The following ADAM32 variants were observed in gnomAD, a reference collection of about 807,000 sequenced individuals.
ADAM32 encodes the protein ADAM metallopeptidase domain 32, also known as disintegrin and metalloproteinase domain-containing protein 32.
ADAM32 carries 89 observed loss-of-function variants against 114.9 expected under a neutral mutation model. The observed-to-expected ratio is 0.77, with a 90% CI of 0.65 to 0.92. The LOEUF (loss-of-function observed/expected upper bound fraction) is 0.92. Among genes scored for constraint, ADAM32 ranks in the 40% least tolerant of loss-of-function variants. The pLI is 0.00. For synonymous variants in ADAM32, 285 were observed against 307.5 expected, an observed-to-expected ratio of 0.93 and a Z score of 0.77; for missense variants, 870 against 932.8, an observed-to-expected ratio of 0.93 and a Z score of 0.88.
intron 11 of ADAM32, among the ~76,000 whole-genome samples, chr8:39,209,914 A>G (rs568512059): frequency 6.6e-6 from 1 of 152,370 alleles, no homozygotes; most frequent in East Asian, 1.9e-4. Flanking sequence ...TGCAACTGGC[A>G]GCATACTGGC....
chr8:39,171,389 C>T (rs1041106990), intron 10 of ADAM32, among the ~76,000 whole-genome samples: 1 of 152,146 alleles, frequency 6.6e-6, no homozygotes. Flanking sequence ...CCCAGTTACC[C>T]TGATTTGATC....
chr8:39,127,395 G>C (rs750785360), intron 2 of ADAM32, among the ~76,000 whole-genome samples: 1 of 152,052 alleles, frequency 6.6e-6, no homozygotes, highest in Non-Finnish European at 1.5e-5. Flanking sequence ...TTTCTTCCTG[G>C]TTCAGTCTTG....
chr8:39,201,039 G>C (rs545631789), intron 11 of ADAM32, among the ~76,000 whole-genome samples: 95 of 152,284 alleles, frequency 6.2e-4, no homozygotes, highest in Non-Finnish European at 1.0e-3. Context: ...TTGTAATATA[G>C]TTTGAAGTCA....
At chr8:39,164,385 A>G (rs1366090075) in intron 7 of ADAM32, among the ~76,000 whole-genome samples, 1 of 152,242 alleles carries the variant, frequency 6.6e-6, no homozygotes, top group Admixed American at 6.5e-5. Context: ...ACTGAAGGAT[A>G]TATGAGTTAT....
rs146212635 is a variant in ADAM32, at chr8:39,282,494, C to T, written c.2319-1092C>T. Among the ~76,000 whole-genome samples the T allele has an allele frequency of 9.8e-3, 1,493 of 152,214 alleles. 21 individuals carry two copies. Among genetic ancestry groups the T allele is most frequent in the African/African-American group, 0.034 (1,421 of 41,502 alleles). ...AGGGCATCATCTATAGGGTAATATA[C>T]ACTGGATTTGGGGAGTATAATTTGG... On this transcript the variant is annotated intron_variant, in intron 23 of 24. Coordinates refer to ENST00000379907, the MANE Select transcript of ADAM32 (RefSeq NM_145004.7).
chr8:39,201,166 C>G (rs548620310), intron 11 of ADAM32, among the ~76,000 whole-genome samples: 2 of 152,290 alleles, frequency 1.3e-5, no homozygotes, highest in African/African-American at 4.8e-5. Context: ...TGAAGAAAGT[C>G]ATTGGTAGCT....
At chr8:39,112,227 G>A (rs935056637) in intron 1 of ADAM32, among the ~76,000 whole-genome samples, 2 of 151,878 alleles carry the variant, frequency 1.3e-5, no homozygotes, top group Non-Finnish European at 2.9e-5. Context: ...AGACATATAC[G>A]GTCCTTTTGA....
intron 2 of ADAM32, among the ~76,000 whole-genome samples, chr8:39,126,940 T>C (rs749019711): frequency 1.3e-5 from 2 of 152,210 alleles, no homozygotes; most frequent in Non-Finnish European, 2.9e-5. Context: ...GTGGTTTTTG[T>C]CTTTAGTTCT....
intron 23 of ADAM32, among the ~76,000 whole-genome samples, chr8:39,283,213 G>A (rs189132975): frequency 2.0e-5 from 3 of 152,134 alleles, no homozygotes; most frequent in African/African-American, 7.2e-5. Flanking sequence ...TTCAAGACAA[G>A]CCTGGGCAGC....
intron 12 of ADAM32, among the ~76,000 whole-genome samples, chr8:39,213,547 G>A (rs1004971669): frequency 3.3e-5 from 5 of 151,812 alleles, no homozygotes; most frequent in African/African-American, 7.3e-5. Context: ...TACATCTATT[G>A]CACATACATC....
At chr8:39,174,695 G>T (rs1291088520) in intron 10 of ADAM32, among the ~76,000 whole-genome samples, 1 of 136,432 alleles carries the variant, frequency 7.3e-6, no homozygotes, top group Non-Finnish European at 1.5e-5. Context: ...GAGTGTGATA[G>T]TTTTTTTTTC....
At chr8:39,186,805 C>T in intron 10 of ADAM32, 104 bp from the exon 11 acceptor site, 1 of 1,016,156 alleles carries the variant, frequency 9.8e-7, no homozygotes, top group Non-Finnish European at 1.4e-6. Flanking sequence ...CTCCCTAATT[C>T]TTTAGCATTT....
intron 22 of ADAM32, among the ~76,000 whole-genome samples, chr8:39,278,197 C>T (rs1813209181): frequency 6.6e-6 from 1 of 152,168 alleles, no homozygotes; most frequent in African/African-American, 2.4e-5. Flanking sequence ...AGCCCCTTCT[C>T]TCCGACATCC....
At chr8:39,144,953 T>C (rs145544844) in intron 3 of ADAM32, among the ~76,000 whole-genome samples, 61 of 152,206 alleles carry the variant, frequency 4.0e-4, no homozygotes, top group African/African-American at 1.4e-3. Flanking sequence ...TTAGAACCAA[T>C]AGACAAGTTC....
Position 39,254,225 on chromosome 8 carries a change from C to CT in ADAM32, c.1903-173dup, listed in dbSNP as rs59048344. Among the ~76,000 whole-genome samples, 699 of 125,312 alleles carry CT rather than the reference C, an allele frequency of 5.6e-3. 1 individual carries two copies. Among genetic ancestry groups the CT allele is most frequent in the South Asian group, 0.014 (54 of 3,874 alleles). The allele number at this position is 125,312 out of a possible 152,430, so 82.2% of individuals were successfully genotyped here. A position where few individuals can be genotyped will look rare whatever the true frequency, so the allele number is the denominator to read the frequency against. On this transcript the variant is annotated intron_variant, in intron 17 of 24. Transcript: ENST00000379907. Reference sequence around the variant, plus strand: ...ATATTGAGAGCCTCACTTTATAGTTCTTTTTTTTTTTTTTTTGCTTTGTGT... The same window carrying CT: ...ATATTGAGAGCCTCACTTTATAGTTCTTTTTTTTTTTTTTTTTGCTTTGTGT...
At chr8:39,131,785 C>T (rs530643618) in intron 2 of ADAM32, among the ~76,000 whole-genome samples, 22 of 152,140 alleles carry the variant, frequency 1.4e-4, no homozygotes, top group Admixed American at 8.5e-4. Flanking sequence ...TATAACTTCT[C>T]TTTATGGTTA....
chr8:39,269,594 G>A (rs79516190), intron 19 of ADAM32, among the ~76,000 whole-genome samples: 32,837 of 152,052 alleles, frequency 0.22, 3,806 homozygotes, highest in East Asian at 0.28. Context: ...AAAGATCTCT[G>A]TGAGGAGTCT....
At chr8:39,205,740 G>T (rs1476536630) in intron 11 of ADAM32, among the ~76,000 whole-genome samples, 1 of 152,218 alleles carries the variant, frequency 6.6e-6, no homozygotes, top group African/African-American at 2.4e-5. Context: ...GACTGGAGCT[G>T]TTCCTATGCT....
At chr8:39,113,769 G>T (rs944332012) in intron 1 of ADAM32, among the ~76,000 whole-genome samples, 1 of 152,160 alleles carries the variant, frequency 6.6e-6, no homozygotes, top group Admixed American at 6.5e-5. Flanking sequence ...TGACCAGCAT[G>T]ATGTTCTAAT....
Sources: gnomAD v4.1 joint callset for allele counts (sites outside exome capture counted in the v4.1 genomes callset) on GRCh38, gnomAD v4.1.1 for gene constraint, MANE v1.5 for transcripts, NCBI Gene and HGNC (gene_info 2026-07-23, HGNC 2026-07-21) for gene names.